RAD51C: variants seen among roughly 807,000 people sequenced by gnomAD.
RAD51C encodes the protein RAD51 paralog C.
A neutral mutation model predicts 45.0 loss-of-function variants in RAD51C; 42 were observed. The observed-to-expected ratio is 0.93, with a 90% confidence interval of 0.73 to 1.21. The LOEUF is 1.21. RAD51C is among the 50% of genes most tolerant of loss of function. The pLI, the probability that RAD51C is intolerant of heterozygous loss-of-function variation, is 0.00. For missense variants in RAD51C, 474 were observed against 452.2 expected (o/e 1.05, Z -0.44); for synonymous variants, 172 against 159.8 (o/e 1.08, Z -0.58).
chr17:58,692,892 G>A, intron 1 of RAD51C, 104 bp downstream of exon 1: 1 of 1,539,496 alleles, frequency 6.5e-7, no homozygotes, highest in Non-Finnish European at 8.9e-7. Context: ...GTTAGATTCT[G>A]CTTCCTCCCA....
intron 7 of RAD51C, among the ~76,000 whole-genome samples, chr17:58,731,701 C>G (rs2049432402): frequency 6.6e-6 from 1 of 152,130 alleles, no homozygotes; most frequent in South Asian, 2.1e-4. Context: ...TAAAATCCCA[C>G]CTAAGCAGAT....
At chr17:58,699,049 C>T (rs2048118850) in intron 3 of RAD51C, among the ~76,000 whole-genome samples, 1 of 151,928 alleles carries the variant, frequency 6.6e-6, no homozygotes, top group African/African-American at 2.4e-5. Flanking sequence ...CTCTGTCACC[C>T]AGGCTGGAGT....
At chr17:58,723,467 A>G (rs187717633) in intron 6 of RAD51C, among the ~76,000 whole-genome samples, 13 of 152,126 alleles carry the variant, frequency 8.5e-5, no homozygotes, top group African/African-American at 2.6e-4. Context: ...TCTCCCCCCA[A>G]GAGGCAACCA....
chr17:58,696,421 A>G (rs1352344348), intron 2 of RAD51C, among the ~76,000 whole-genome samples: 3 of 152,216 alleles, frequency 2.0e-5, no homozygotes, highest in East Asian at 1.9e-4. Flanking sequence ...CGACAGAGCG[A>G]GACTCCGTCT....
chr17:58,698,022 T>C (rs2048080099), intron 3 of RAD51C, among the ~76,000 whole-genome samples: 1 of 149,484 alleles, frequency 6.7e-6, no homozygotes, highest in Non-Finnish European at 1.5e-5. Context: ...AATTTTTTTT[T>C]CTTTTTTGAG....
At chr17:58,717,505 G>A (rs1334982617) in intron 5 of RAD51C, among the ~76,000 whole-genome samples, 2 of 152,046 alleles carry the variant, frequency 1.3e-5, no homozygotes, top group East Asian at 1.9e-4. Context: ...TTGGGAGGCC[G>A]AGGTGGAGAT....
rs117829161 is a variant in RAD51C, at chr17:58,722,186, A to G, written c.904+1374A>G. ...TTCCCAGATACCAGGAAGTTGGGAA[A>G]GCAGGGGTTCAGAGTTGGTAAGCAG... On this transcript the variant is annotated intron_variant, in intron 6 of 8. Coordinates refer to ENST00000337432, the MANE Select transcript of RAD51C (RefSeq NM_058216.3). 8.3e-3 allele frequency among the ~76,000 whole-genome samples: 1,260 copies of G among 152,328 alleles called. 7 individuals are homozygous for G. Among genetic ancestry groups the G allele is most frequent in the Non-Finnish European group, 0.014 (919 of 68,032 alleles).
At position 58,734,130 on chromosome 17, in the gene RAD51C, A is replaced by G; in HGVS notation, c.1039A>G (p.Arg347Gly). Residue 347 changes from arginine (R) to glycine (G), a missense_variant, in exon 9 of 9, where the codon AGA becomes GGA. Arg to Gly is a moderately radical substitution (Grantham distance 125, BLOSUM62 -2). Transcript: ENST00000337432. ...TTTTATCTTTCAGCCTCAGGGATTTAGAGATACTGTTGTTACTTCTGCATG... is the reference window on the plus strand; with the variant it reads ...TTTTATCTTTCAGCCTCAGGGATTTGGAGATACTGTTGTTACTTCTGCATG... ...VLFQIKPQGF[R>G]DTVVTSACSL... The G allele has an allele frequency of 6.2e-7, 1 of 1,613,270 alleles. No individual in the cohort carries two copies. Among genetic ancestry groups the G allele is most frequent in the Middle Eastern group, 1.6e-4 (1 of 6,062 alleles).
chr17:58,727,761 C>T (rs1240089795), intron 7 of RAD51C, among the ~76,000 whole-genome samples: 2 of 152,046 alleles, frequency 1.3e-5, no homozygotes, highest in Admixed American at 1.3e-4. Flanking sequence ...GACACCACCT[C>T]TATAGATAAT....
rs1060502595 is a variant in RAD51C, at chr17:58,695,038, T to C, written c.253T>C (p.Cys85Arg). Residue 85 changes from cysteine to arginine, a missense_variant, in exon 2 of 9, where the codon TGT (cysteine) becomes CGT (arginine). Physicochemically the swap from Cys to Arg is radical, Grantham distance 180. Transcript: ENST00000337432. ...TGGTACATCTGAGTCACACAAGAAG[T>C]GTACAGCACTGGAACTTCTTGAGCA... ...YAGTSESHKKCTALELLEQEH... is the reference protein window; with the variant it reads ...YAGTSESHKKRTALELLEQEH... 6.2e-7 allele frequency: 1 copy of C among 1,613,888 alleles called. No individual in the cohort carries two copies. Among genetic ancestry groups the C allele is most frequent in the Non-Finnish European group, 8.5e-7 (1 of 1,180,006 alleles).
At chr17:58,710,047 T>TAG in intron 5 of RAD51C, 57 bp downstream of exon 5, 1 of 1,541,634 alleles carries the variant, frequency 6.5e-7, no homozygotes. Flanking sequence ...TATAAAATGT[T>TAG]AATGTCTAGA....
At chr17:58,723,245 A>G (rs1216714257) in intron 6 of RAD51C, among the ~76,000 whole-genome samples, 6 of 151,858 alleles carry the variant, frequency 4.0e-5, no homozygotes, top group Non-Finnish European at 8.8e-5. Flanking sequence ...ATTTCCTTGC[A>G]CTGTGTCTGC....
chr17:58,733,486 C>A (rs2049525043), intron 8 of RAD51C, among the ~76,000 whole-genome samples: 1 of 152,164 alleles, frequency 6.6e-6, no homozygotes, highest in Non-Finnish European at 1.5e-5. Context: ...GAAAATAAAT[C>A]TGTAAAGTAC....
At position 58,696,992 on chromosome 17, in the gene RAD51C, C is replaced by T. The variant is rs1035699679; in HGVS notation, c.571+133C>T. The stretch of plus-strand genomic sequence containing the variant: ...CTGGACAGTTAACTAGTGTTAAACT[C>T]TTTTACTACTGTTACAAAATGAGAA... On this transcript the variant is annotated intron_variant, in intron 3 of 8. Transcript: ENST00000337432. 3.7e-6 allele frequency: 4 copies of T among 1,071,812 alleles called. No homozygotes were observed. In the African/African-American group the frequency reaches 6.4e-5, roughly 17 times the overall value. 66.4% of individuals were successfully genotyped at this position (1,071,812 alleles called of 1,614,324 possible).
rs900442615 is a variant in RAD51C, at chr17:58,708,945, T to C, written c.706-914T>C. ...GGAAGGTAAAATTGGTATATTTAAT[T>C]GACAAATGTGTTGTTTTACCAAGAC... On this transcript the variant is annotated intron_variant, in intron 4 of 8. Coordinates refer to ENST00000337432, the MANE Select transcript of RAD51C (RefSeq NM_058216.3). Among the ~76,000 whole-genome samples, 348 of 152,246 alleles carry C rather than the reference T, an allele frequency of 2.3e-3. 4 individuals carry two copies. Among genetic ancestry groups the C allele is most frequent in the East Asian group, 1.5e-3 (8 of 5,180 alleles).
chr17:58,695,918 T>C (rs1305760398), intron 2 of RAD51C, among the ~76,000 whole-genome samples: 7 of 151,296 alleles, frequency 4.6e-5, no homozygotes, highest in African/African-American at 1.7e-4. Flanking sequence ...AATAAAAAAA[T>C]TAGCCAGGCA....
chr17:58,707,167 T>C (rs1567797267), intron 4 of RAD51C, among the ~76,000 whole-genome samples: 2 of 152,224 alleles, frequency 1.3e-5, no homozygotes, highest in South Asian at 4.1e-4. Flanking sequence ...TGCCACTTTA[T>C]ACTAAGCACC....
intron 3 of RAD51C, among the ~76,000 whole-genome samples, chr17:58,699,297 C>T (rs571352882): frequency 4.6e-5 from 7 of 152,250 alleles, no homozygotes; most frequent in East Asian, 1.9e-4. Context: ...TGAGCTACAG[C>T]GCCCGGCCTA....
intron 2 of RAD51C, 52 bp from the exon 3 acceptor site, chr17:58,696,640 AC>A: frequency 6.2e-7 from 1 of 1,611,244 alleles, no homozygotes. Context: ...GTTCAAAAAC[AC>A]TACCTTAGAT....
Sources: allele counts gnomAD v4.1 joint callset (sites outside exome capture counted in the v4.1 genomes callset), GRCh38; gene constraint gnomAD v4.1.1; transcripts MANE v1.5; gene names NCBI Gene and HGNC (gene_info 2026-07-23, HGNC 2026-07-21).